DGKB: variants seen among roughly 807,000 people sequenced by gnomAD.
The protein encoded by DGKB is diacylglycerol kinase beta, also known as 90 kDa diacylglycerol kinase.
DGKB carries 67 observed loss-of-function variants against 114.3 expected under a neutral mutation model. That is an observed-to-expected ratio of 0.59 (90% confidence interval 0.48 to 0.72). The LOEUF (loss-of-function observed/expected upper bound fraction) is 0.72, where lower values mean the gene tolerates loss of function less well. Ranked by LOEUF, DGKB falls within the 30% of genes least tolerant of loss-of-function variation. The pLI is 0.00. For synonymous variants in DGKB, 398 were observed against 323.1 expected (o/e 1.23, Z -2.49); for missense variants, 907 against 975.2 (o/e 0.93, Z 0.93).
intron 1 of DGKB, among the ~76,000 whole-genome samples, chr7:14,857,682 T>A (rs1850387258): frequency 6.6e-6 from 1 of 152,148 alleles, no homozygotes; most frequent in African/African-American, 2.4e-5. Context: ...CCTATTTATA[T>A]CATTTTTCCA....
chr7:14,498,942 T>C (rs888216583), intron 20 of DGKB, among the ~76,000 whole-genome samples: 23 of 151,620 alleles, frequency 1.5e-4, no homozygotes, highest in African/African-American at 5.6e-4. Flanking sequence ...AGAAAAGACA[T>C]TGTGTGTAAA....
At chr7:14,964,118 T>C (rs569986797) in intron 1 of DGKB, among the ~76,000 whole-genome samples, 1 of 149,418 alleles carries the variant, frequency 6.7e-6, no homozygotes, top group African/African-American at 2.4e-5. Flanking sequence ...AATCTCCTTA[T>C]CAGTTGAGTT....
intron 6 of DGKB, among the ~76,000 whole-genome samples, chr7:14,717,142 A>G (rs184313652): frequency 6.6e-6 from 1 of 152,292 alleles, no homozygotes; most frequent in African/African-American, 2.4e-5. Flanking sequence ...ATGTGGGTTC[A>G]AGGATGCACA....
chr7:14,613,287 CTAT>C, intron 16 of DGKB, 50 bp downstream of exon 16: 1 of 1,079,574 alleles, frequency 9.3e-7, no homozygotes, highest in Non-Finnish European at 1.4e-6. Context: ...ATAGTTTTGT[CTAT>C]TTTTTTACAT....
chr7:14,671,321 T>G (rs1818924664), intron 13 of DGKB, among the ~76,000 whole-genome samples: 1 of 151,992 alleles, frequency 6.6e-6, no homozygotes, highest in South Asian at 2.1e-4. Flanking sequence ...AAGGTAGACA[T>G]TTTGGAAGGA....
chr7:14,231,158 T>G (rs1791780798), intron 23 of DGKB, among the ~76,000 whole-genome samples: 1 of 150,380 alleles, frequency 6.6e-6, no homozygotes, highest in African/African-American at 2.5e-5. Flanking sequence ...TCTTTCTTTC[T>G]CTTGGTAAGG....
chr7:14,505,656 A>G (rs958048711), intron 20 of DGKB, among the ~76,000 whole-genome samples: 1 of 152,118 alleles, frequency 6.6e-6, no homozygotes, highest in Admixed American at 6.5e-5. Context: ...TCTGCCTTAG[A>G]CTATGATGAC....
intron 17 of DGKB, among the ~76,000 whole-genome samples, chr7:14,596,038 C>T (rs901673824): frequency 1.2e-4 from 19 of 152,120 alleles, no homozygotes; most frequent in Middle Eastern, 3.4e-3. Flanking sequence ...ACCATTGTTA[C>T]GTTAATAACA....
chr7:14,217,890 C>T (rs1255402387), intron 23 of DGKB, among the ~76,000 whole-genome samples: 1 of 151,894 alleles, frequency 6.6e-6, no homozygotes, highest in Non-Finnish European at 1.5e-5. Flanking sequence ...AGATGGTGTC[C>T]CTCTATTGCG....
At chr7:14,418,163 AT>A (rs990913492) in intron 21 of DGKB, among the ~76,000 whole-genome samples, 13 of 145,124 alleles carry the variant, frequency 9.0e-5, no homozygotes, top group Admixed American at 1.4e-4. Context: ...ATATTTTTAT[AT>A]TTTATATTTT....
chr7:14,410,788 A>C (rs1366846999), intron 21 of DGKB, among the ~76,000 whole-genome samples: 2 of 83,432 alleles, frequency 2.4e-5, no homozygotes, highest in East Asian at 6.1e-4. Flanking sequence ...AATTGTATCA[A>C]ATCAAAATGA....
chr7:14,585,779 T>C (rs1020480726), intron 17 of DGKB, among the ~76,000 whole-genome samples: 8 of 152,186 alleles, frequency 5.3e-5, no homozygotes, highest in African/African-American at 1.9e-4. Context: ...TTTGTAATTA[T>C]CGCAATATTT....
At chr7:14,208,521 C>A (rs983912543) in intron 23 of DGKB, among the ~76,000 whole-genome samples, 4 of 151,962 alleles carry the variant, frequency 2.6e-5, no homozygotes, top group African/African-American at 9.7e-5. Flanking sequence ...TAAACAGCCT[C>A]AATTTCTCCC....
At chr7:14,434,105 T>C (rs953916936) in intron 21 of DGKB, among the ~76,000 whole-genome samples, 3 of 152,122 alleles carry the variant, frequency 2.0e-5, no homozygotes, top group Non-Finnish European at 2.9e-5. Flanking sequence ...GAGTATAAGA[T>C]AGTTATCTTA....
intron 21 of DGKB, among the ~76,000 whole-genome samples, chr7:14,442,897 T>A (rs1393844200): frequency 6.6e-6 from 1 of 152,118 alleles, no homozygotes; most frequent in Non-Finnish European, 1.5e-5. Flanking sequence ...TTTGAATGTC[T>A]AAGTAAACAT....
chr7:14,534,512 T>A (rs1231574013), intron 20 of DGKB, among the ~76,000 whole-genome samples: 1 of 152,014 alleles, frequency 6.6e-6, no homozygotes, highest in Non-Finnish European at 1.5e-5. Flanking sequence ...ATAGAGTAGA[T>A]GAATGGACAA....
chr7:14,809,443 A>G (rs1843154854), intron 2 of DGKB, among the ~76,000 whole-genome samples: 1 of 152,070 alleles, frequency 6.6e-6, no homozygotes, highest in Non-Finnish European at 1.5e-5. Context: ...TGAAGCTAGG[A>G]CCAAGGAGTG....
intron 23 of DGKB, among the ~76,000 whole-genome samples, chr7:14,268,124 T>C (rs1395868578): frequency 1.3e-5 from 2 of 152,086 alleles, no homozygotes; most frequent in African/African-American, 2.4e-5. Flanking sequence ...AGCTCACTGA[T>C]CTAACCACTA....
intron 23 of DGKB, among the ~76,000 whole-genome samples, chr7:14,203,976 C>A (rs1199305295): frequency 6.6e-6 from 1 of 151,894 alleles, no homozygotes; most frequent in African/African-American, 2.4e-5. Flanking sequence ...ATTCTCTCCT[C>A]CCCCAGCGAA....
Sources: allele counts gnomAD v4.1 joint callset (sites outside exome capture counted in the v4.1 genomes callset), GRCh38; gene constraint gnomAD v4.1.1; transcripts MANE v1.5; gene names NCBI Gene and HGNC (gene_info 2026-07-23, HGNC 2026-07-21).